The following SLC35F2 variants were observed in gnomAD, a reference collection of about 807,000 sequenced individuals.
SLC35F2 encodes the protein solute carrier family 35 member F2, also known as queuine/queuosine transporter SLC35F2.
A neutral mutation model predicts 38.1 loss-of-function variants in SLC35F2; 25 were observed. The ratio of observed to expected loss-of-function variants is 0.66; its 90% confidence interval spans 0.48 to 0.92. The LOEUF (loss-of-function observed/expected upper bound fraction) is 0.92. SLC35F2 is among the 40% of genes least tolerant of loss of function. SLC35F2 has a pLI of 0.00. For synonymous variants in SLC35F2, 173 were observed against 181.7 expected, an observed-to-expected ratio of 0.95 and a Z score of 0.38; for missense variants, 409 against 452.9, an observed-to-expected ratio of 0.90 and a Z score of 0.88.
At chr11:107,843,860 AAAAAAAAAATATATAT>A (rs1479140884) in intron 1 of SLC35F2, among the ~76,000 whole-genome samples, 6 of 39,680 alleles carry the variant, frequency 1.5e-4, no homozygotes, top group African/African-American at 4.3e-4. Context: ...AAAAAAAAAA[AAAAAAAAAATATATAT>A]ATATATATAT....
chr11:107,841,104 C>T (rs1350004027), intron 1 of SLC35F2, among the ~76,000 whole-genome samples: 1 of 152,208 alleles, frequency 6.6e-6, no homozygotes, highest in Non-Finnish European at 1.5e-5. Context: ...CACTACCACA[C>T]AAGAACGAGG....
chr11:107,846,655 G>C (rs930254334), intron 1 of SLC35F2, among the ~76,000 whole-genome samples: 4 of 152,102 alleles, frequency 2.6e-5, no homozygotes, highest in African/African-American at 9.7e-5. Context: ...TTTTAGGCTG[G>C]GAGCAGTGGC....
chr11:107,821,515 A>C (rs1859672823), intron 1 of SLC35F2: 4 of 985,238 alleles, frequency 4.1e-6, no homozygotes, highest in Non-Finnish European at 3.6e-6. Flanking sequence ...AAGAACACTC[A>C]AACTTATAGA....
At chr11:107,820,498 C>T (rs915996319) in intron 1 of SLC35F2, among the ~76,000 whole-genome samples, 17 of 152,114 alleles carry the variant, frequency 1.1e-4, no homozygotes, top group Admixed American at 2.6e-4. Context: ...TAAACATCTG[C>T]TATCCCTCCT....
chr11:107,827,936 T>A (rs1259400920), intron 1 of SLC35F2, among the ~76,000 whole-genome samples: 1 of 151,892 alleles, frequency 6.6e-6, no homozygotes, highest in African/African-American at 2.4e-5. Flanking sequence ...ATTAATTAAG[T>A]AAACAAAAAT....
At chr11:107,799,433 C>A (rs1044692938) in intron 7 of SLC35F2, among the ~76,000 whole-genome samples, 4 of 152,160 alleles carry the variant, frequency 2.6e-5, no homozygotes, top group Non-Finnish European at 4.4e-5. Flanking sequence ...TATAGAAACA[C>A]CAGCACCCCT....
chr11:107,806,110 C>A (rs1859385856), intron 4 of SLC35F2, among the ~76,000 whole-genome samples: 1 of 152,190 alleles, frequency 6.6e-6, no homozygotes, highest in Admixed American at 6.6e-5. Flanking sequence ...AAATCTCTTA[C>A]TCTTCTCACT....
At chr11:107,858,446 G>A (rs538030961) in intron 1 of SLC35F2, 2 of 410,112 alleles carry the variant, frequency 4.9e-6, no homozygotes, top group Non-Finnish European at 8.5e-6. Flanking sequence ...TTTCGAAACG[G>A]GAGCCGAGGG....
intron 1 of SLC35F2, among the ~76,000 whole-genome samples, chr11:107,836,754 C>G (rs973630523): frequency 6.6e-6 from 1 of 152,118 alleles, no homozygotes; most frequent in Admixed American, 6.5e-5. Context: ...GCTTTCTGAC[C>G]TACAGAACAG....
intron 1 of SLC35F2, among the ~76,000 whole-genome samples, chr11:107,842,030 C>A (rs898359645): frequency 3.3e-5 from 5 of 150,838 alleles, no homozygotes; most frequent in Non-Finnish European, 7.4e-5. Flanking sequence ...CGTGCCACTG[C>A]ACTCCAGCCT....
At chr11:107,833,259 C>T (rs189338387) in intron 1 of SLC35F2, among the ~76,000 whole-genome samples, 31 of 152,148 alleles carry the variant, frequency 2.0e-4, no homozygotes, top group African/African-American at 7.2e-4. Context: ...CGGTGTCTCA[C>T]GACTGTAATC....
At position 107,818,069 on chromosome 11, in the gene SLC35F2, AAAAAAAGAAAGAAAG is replaced by A. The variant is rs1183054724; in HGVS notation, c.111-2119_111-2105del. Among the ~76,000 whole-genome samples the A allele has an allele frequency of 1.4e-3, 185 of 129,014 alleles. 4 individuals are homozygous for A. Among genetic ancestry groups the A allele is most frequent in the East Asian group, 0.013 (61 of 4,584 alleles). 84.6% of individuals were successfully genotyped at this position (129,014 alleles called of 152,430 possible). On this transcript the variant is annotated intron_variant, in intron 1 of 7. Transcript: ENST00000525815. ...AAGACTCTGTCTCAAAAAAAAAAAA[AAAAAAAGAAAGAAAG>A]AAAGAAAGAAAGAAAGAAAGAAAGA... is the stretch of plus-strand genomic sequence containing the variant.
intron 1 of SLC35F2, among the ~76,000 whole-genome samples, chr11:107,822,040 C>T (rs1859679501): frequency 6.6e-6 from 1 of 152,172 alleles, no homozygotes; most frequent in South Asian, 2.1e-4. Flanking sequence ...GAGTTCAAGA[C>T]CAGCCTGGCC....
intron 1 of SLC35F2, among the ~76,000 whole-genome samples, chr11:107,836,016 C>A (rs772684845): frequency 1.3e-5 from 2 of 152,170 alleles, no homozygotes; most frequent in Admixed American, 6.6e-5. Flanking sequence ...CCCAGCAAAG[C>A]GGACAGCATT....
intron 1 of SLC35F2, among the ~76,000 whole-genome samples, chr11:107,858,027 C>T (rs531766562): frequency 6.6e-6 from 1 of 152,310 alleles, no homozygotes; most frequent in Non-Finnish European, 1.5e-5. Flanking sequence ...AGAGTCGCTG[C>T]CCACTCCTTA....
chr11:107,835,899 AG>A (rs1441981690), intron 1 of SLC35F2, among the ~76,000 whole-genome samples: 2 of 152,206 alleles, frequency 1.3e-5, no homozygotes, highest in Non-Finnish European at 2.9e-5. Flanking sequence ...AGGTAGGATG[AG>A]ATCTAACCAA....
intron 1 of SLC35F2, among the ~76,000 whole-genome samples, chr11:107,832,014 C>T (rs762368058): frequency 3.9e-5 from 6 of 152,018 alleles, no homozygotes; most frequent in Admixed American, 2.0e-4. Context: ...TCTTATGGAG[C>T]GGGACATTTC....
In SLC35F2 at chr11:107,806,831, A is replaced by C. The variant is rs748838923; in HGVS notation, c.460T>G (p.Phe154Val). 5.6e-6 allele frequency: 9 copies of C among 1,614,168 alleles called. No individual in the cohort carries two copies. Among genetic ancestry groups the C allele is most frequent in the Non-Finnish European group, 7.6e-6 (9 of 1,179,992 alleles). Residue 154 changes from phenylalanine to valine, a missense_variant, in exon 4 of 8, where the codon TTT becomes GTT. Physicochemically the swap from Phe to Val is conservative, Grantham distance 50 (BLOSUM62 -1). Transcript: ENST00000525815. ...ACTCTGTATCTTGCATGAAGAATAAACCATGACAGAGCCATCAACACAGGA... is the reference window on the plus strand; with the variant it reads ...ACTCTGTATCTTGCATGAAGAATAACCCATGACAGAGCCATCAACACAGGA... ...GIPVLMALSW[F>V]ILHARYRVIH...
At chr11:107,796,445 C>T (rs1466815508) in intron 7 of SLC35F2, among the ~76,000 whole-genome samples, 1 of 152,020 alleles carries the variant, frequency 6.6e-6, no homozygotes, top group African/African-American at 2.4e-5. Flanking sequence ...ACTATTCAGC[C>T]ACAAAAAAAT....
Sources: allele counts gnomAD v4.1 joint callset (sites outside exome capture counted in the v4.1 genomes callset), GRCh38; gene constraint gnomAD v4.1.1; transcripts MANE v1.5; gene names NCBI Gene and HGNC (gene_info 2026-07-23, HGNC 2026-07-21).